Variants in NRDE2 observed in about 807,000 individuals in gnomAD.
The protein encoded by NRDE2 is NRDE-2, necessary for RNA interference, domain containing, also known as nuclear exosome regulator NRDE2.
A neutral mutation model predicts 124.2 loss-of-function variants in NRDE2; 76 were observed. That is an observed-to-expected ratio of 0.61 (90% CI 0.51 to 0.74). The LOEUF (loss-of-function observed/expected upper bound fraction) is 0.74. Among genes scored for constraint, NRDE2 ranks in the 30% least tolerant of loss-of-function variants. The probability of loss-of-function intolerance (pLI) is 0.00; values close to 1 mark genes in which losing one functional copy is unlikely to be tolerated. For missense variants in NRDE2, 1,314 were observed against 1,417.3 expected (o/e 0.93, Z 1.17); for synonymous variants, 489 against 528.1 (o/e 0.93, Z 1.01).
Position 90,274,241 on chromosome 14 carries a change from G to C in NRDE2, c.*4095C>G, listed in dbSNP as rs1253712570. Reference sequence around the variant, plus strand: ...GGCAGGGTGAGGCTGGCATCCGTGTGGGGTGTATGTGCAGGGCTGGGGTGG... The same window carrying C: ...GGCAGGGTGAGGCTGGCATCCGTGTCGGGTGTATGTGCAGGGCTGGGGTGG... On this transcript the variant is annotated 3_prime_UTR_variant, in exon 14 of 14. Transcript: ENST00000354366. 1 of 155,792 alleles carries C rather than the reference G, an allele frequency of 6.4e-6. No homozygotes were observed. The highest frequency in any genetic ancestry group is 2.4e-5 in the African/African-American group (1 of 41,532). The allele number at this position is 155,792 out of a possible 1,614,324, so 9.7% of individuals were successfully genotyped here. A position where few individuals can be genotyped will look rare whatever the true frequency, so the allele number is the denominator to read the frequency against.
At chr14:90,293,356 TTC>T (rs2139679649) in intron 8 of NRDE2, among the ~76,000 whole-genome samples, 1 of 152,304 alleles carries the variant, frequency 6.6e-6, no homozygotes. Context: ...GTTCAAGCAA[TTC>T]TCCTGCCTCA....
chr14:90,290,439 G>C lies in NRDE2; in HGVS notation c.2011C>G (p.Leu671Val), dbSNP rs1250795479. Reference protein sequence around the residue: ...MDENSIFDNGLYDEKPLTFFN... With the variant: ...MDENSIFDNGVYDEKPLTFFN... ...AAAGTCAAGGGCTTTTCATCATAAA[G>C]TCCATTATCAAAGATGCTGTTCTCA... The change falls in exon 10 of 14, where the codon CTT becomes GTT. Residue 671 changes from leucine (L) to valine (V), a missense_variant. Physicochemically the swap from Leu to Val is conservative, Grantham distance 32. Coordinates refer to ENST00000354366, the MANE Select transcript of NRDE2 (RefSeq NM_017970.4). The C allele has an allele frequency of 1.9e-6, 3 of 1,614,038 alleles. 1 individual carries two copies. Among genetic ancestry groups the C allele is most frequent in the Non-Finnish European group, 2.5e-6 (3 of 1,180,016 alleles).
rs754047750 is a variant in NRDE2 at position 90,303,993 on chromosome 14, C to G, written c.947G>C (p.Arg316Thr). 3.7e-6 allele frequency: 6 copies of G among 1,613,908 alleles called. No individual in the cohort carries two copies. In the African/African-American group the frequency reaches 8.0e-5, roughly 22 times the overall value. Reference protein sequence around the residue: ...ALKAKVEEFNRRVRENPRDTQ... With the variant: ...ALKAKVEEFNTRVRENPRDTQ... Reference sequence around the variant, plus strand: ...ATCCCGAGGATTCTCCCGCACCCTCCTGTTAAACTCCTCCACCTTGGCCTT... The same window carrying G: ...ATCCCGAGGATTCTCCCGCACCCTCGTGTTAAACTCCTCCACCTTGGCCTT... The change falls in exon 5 of 14, where the codon AGG becomes ACG. Residue 316 changes from arginine (R) to threonine (T), a missense_variant. Arg to Thr is a moderately conservative substitution (Grantham distance 71). Transcript: ENST00000354366.
chr14:90,274,653 A>T lies in NRDE2; in HGVS notation c.*3683T>A, dbSNP rs1055058787. ...CCAGAAAGCAAGGGAGTGCTCAAGG[A>T]ATGATAAGGACATGTCCTAAGGACA... On this transcript the variant is annotated 3_prime_UTR_variant, in exon 14 of 14. Coordinates refer to ENST00000354366, the MANE Select transcript of NRDE2 (RefSeq NM_017970.4). 1 of 152,130 alleles carries T rather than the reference A, an allele frequency of 6.6e-6. No individual in the cohort carries two copies. Among genetic ancestry groups the T allele is most frequent in the African/African-American group, 2.4e-5 (1 of 41,400 alleles). The allele number at this position is 152,130 out of a possible 1,614,324, so 9.4% of individuals were successfully genotyped here.
At position 90,269,364 on chromosome 14, in the gene NRDE2, G is replaced by A. The variant is rs749929923; in HGVS notation, c.*8972C>T. ...TCCCCTTGAGCAGGCGATCAGTTGA[G>A]TCTTCATTCCTTCCCTTTTTTTTTT... On this transcript the variant is annotated 3_prime_UTR_variant, in exon 14 of 14. Coordinates refer to ENST00000354366, the MANE Select transcript of NRDE2 (RefSeq NM_017970.4). The A allele has an allele frequency of 6.4e-7, 1 of 1,572,638 alleles. No individual in the cohort carries two copies. The highest frequency in any genetic ancestry group is 8.6e-7 in the Non-Finnish European group (1 of 1,162,324).
intron 1 of NRDE2, among the ~76,000 whole-genome samples, chr14:90,321,868 C>T (rs1937282332): frequency 6.6e-6 from 1 of 152,284 alleles, no homozygotes. Context: ...AGAAGTCCAA[C>T]ATGAAGAACA....
intron 4 of NRDE2, among the ~76,000 whole-genome samples, chr14:90,309,640 T>C (rs1175559087): frequency 6.6e-6 from 1 of 152,168 alleles, no homozygotes; most frequent in Non-Finnish European, 1.5e-5. Context: ...CCTATTGACC[T>C]TGCAATAAAG....
At chr14:90,289,725 T>C (rs1401680586) in intron 10 of NRDE2, among the ~76,000 whole-genome samples, 1 of 152,220 alleles carries the variant, frequency 6.6e-6, no homozygotes, top group Non-Finnish European at 1.5e-5. Context: ...GCAGCTGGGA[T>C]TACAGGCACA....
chr14:90,271,623 G>A lies in NRDE2; in HGVS notation c.*6713C>T, dbSNP rs553372883. ...TACTGTCAATTGCCTCTAAGTTTCA[G>A]GGCATAATTTTGTTTATTTCCTAGG... On this transcript the variant is annotated 3_prime_UTR_variant, in exon 14 of 14. Transcript: ENST00000354366. 6.6e-6 allele frequency: 1 copy of A among 152,136 alleles called. No homozygotes were observed. The highest frequency in any genetic ancestry group is 1.9e-4 in the East Asian group (1 of 5,166). The allele number at this position is 152,136 out of a possible 1,614,324, so 9.4% of individuals were successfully genotyped here. A position where few individuals can be genotyped will look rare whatever the true frequency, so the allele number is the denominator to read the frequency against.
rs1491397403 is a variant in NRDE2 at position 90,274,838 on chromosome 14, A to ACACACACACACACACACACC, written c.*3497_*3498insGGTGTGTGTGTGTGTGTGTG. The ACACACACACACACACACACC allele has an allele frequency of 1.5e-5, 1 of 67,186 alleles. No homozygotes were observed. Among genetic ancestry groups the ACACACACACACACACACACC allele is most frequent in the Non-Finnish European group, 3.2e-5 (1 of 31,320 alleles). 4.2% of individuals were successfully genotyped at this position (67,186 alleles called of 1,614,324 possible). Reference sequence around the variant, plus strand: ...CACACACACACACACACACACACACACCCCAATACATATGAATTGATCTGA... The same window carrying ACACACACACACACACACACC: ...CACACACACACACACACACACACACACACACACACACACACACACCCCCCAATACATATGAATTGATCTGA... On this transcript the variant is annotated 3_prime_UTR_variant, in exon 14 of 14. Coordinates refer to ENST00000354366, the MANE Select transcript of NRDE2 (RefSeq NM_017970.4).
chr14:90,290,351 C>A lies in NRDE2; in HGVS notation c.2099G>T (p.Arg700Leu). ...VGRMDRLGYP[R>L]WTRGQNREGE... ...CTCTCGGTTCTGACCCCTGGTCCAGCGAGGATAGCCCAACCTATCCATGCG... is the reference window on the plus strand; with the variant it reads ...CTCTCGGTTCTGACCCCTGGTCCAGAGAGGATAGCCCAACCTATCCATGCG... Residue 700 changes from arginine to leucine, a missense_variant, in exon 10 of 14, where the codon CGC becomes CTC. By Grantham distance (102) the Arg-to-Leu change is moderately radical. Coordinates refer to ENST00000354366, the MANE Select transcript of NRDE2 (RefSeq NM_017970.4). The A allele has an allele frequency of 6.2e-7, 1 of 1,614,096 alleles. No homozygotes were observed. Among genetic ancestry groups the A allele is most frequent in the South Asian group, 1.1e-5 (1 of 91,082 alleles).
In NRDE2 at chr14:90,272,744, T is replaced by A. The variant is rs1300829817; in HGVS notation, c.*5592A>T. The A allele has an allele frequency of 2.2e-5, 4 of 182,540 alleles. No individual in the cohort carries two copies. The highest frequency in any genetic ancestry group is 3.4e-5 in the Non-Finnish European group (3 of 87,340). The allele number at this position is 182,540 out of a possible 1,614,324, so 11.3% of individuals were successfully genotyped here. A position where few individuals can be genotyped will look rare whatever the true frequency, so the allele number is the denominator to read the frequency against. On this transcript the variant is annotated 3_prime_UTR_variant, in exon 14 of 14. Transcript: ENST00000354366. The surrounding 1 kb of genome is among the most constrained non-coding windows in gnomAD (Gnocchi z 4.5). Reference sequence around the variant, plus strand: ...GCTGCGGTCCCAAGGAGTGTGGACCTCACTATGCGTTCGCCACATCACACC... The same window carrying A: ...GCTGCGGTCCCAAGGAGTGTGGACCACACTATGCGTTCGCCACATCACACC...
At chr14:90,327,881 C>T (rs981110497) in intron 1 of NRDE2, among the ~76,000 whole-genome samples, 38 of 151,900 alleles carry the variant, frequency 2.5e-4, no homozygotes, top group African/African-American at 9.2e-4. Flanking sequence ...CAGTGGCTCA[C>T]ACCTGTAATC....
intron 8 of NRDE2, among the ~76,000 whole-genome samples, chr14:90,294,772 T>C (rs1892363550): frequency 6.6e-6 from 1 of 152,216 alleles, no homozygotes; most frequent in Non-Finnish European, 1.5e-5. Flanking sequence ...TGCATGGCAG[T>C]GTGAATGTAC....
chr14:90,278,818 G>A (rs1891873086), intron 13 of NRDE2: 3 of 566,594 alleles, frequency 5.3e-6, no homozygotes, highest in Non-Finnish European at 9.5e-6. Context: ...CTGACCAAAT[G>A]CTGGGAAACC....
In NRDE2 at chr14:90,312,563, G is replaced by A; in HGVS notation, c.408-20C>T. On this transcript the variant is annotated intron_variant, in intron 3 of 13. Coordinates refer to ENST00000354366, the MANE Select transcript of NRDE2 (RefSeq NM_017970.4). ...CCTTGACTGTGGGACAAAGGAAGAA[G>A]AAGAAGGGAGAGGCACTTTAAAAAA... 1 of 1,613,480 alleles carries A rather than the reference G, an allele frequency of 6.2e-7. No individual in the cohort carries two copies. The highest frequency in any genetic ancestry group is 8.5e-7 in the Non-Finnish European group (1 of 1,179,740).
At chr14:90,320,557 A>G in intron 1 of NRDE2, among the ~76,000 whole-genome samples, 1 of 152,226 alleles carries the variant, frequency 6.6e-6, no homozygotes, top group African/African-American at 2.4e-5. Context: ...GCATCTTAGT[A>G]TGGAGGAGAT....
chr14:90,321,371 G>A (rs189029534), intron 1 of NRDE2, among the ~76,000 whole-genome samples: 142 of 151,976 alleles, frequency 9.3e-4, no homozygotes, highest in Non-Finnish European at 9.9e-4. Flanking sequence ...CCAGGCTTTT[G>A]AGGATACAAT....
At position 90,316,692 on chromosome 14, in the gene NRDE2, G is replaced by C. The variant is rs142725951; in HGVS notation, c.293C>G (p.Thr98Arg). Residue 98 changes from threonine (T) to arginine (R), a missense_variant, in exon 3 of 14, where the codon ACA becomes AGA. Physicochemically the swap from Thr to Arg is moderately conservative, Grantham distance 71. Transcript: ENST00000354366. ...ACTCGACGGCCCATGCTTCCTCTTT[G>C]TTTTCTTATGATGCTGATGCTTCCT... ...KKRKHQHHKKTKRKHGPSSSS... is the reference protein window; with the variant it reads ...KKRKHQHHKKRKRKHGPSSSS... 97 of 1,613,812 alleles carry C rather than the reference G, an allele frequency of 6.0e-5. No homozygotes were observed. The African/African-American group carries it at 1.1e-3, about 18-fold the overall frequency.
Sources: allele counts gnomAD v4.1 joint callset (sites outside exome capture counted in the v4.1 genomes callset), GRCh38; gene constraint gnomAD v4.1.1; non-coding constraint Gnocchi (gnomAD v3.1); transcripts MANE v1.5; gene names NCBI Gene and HGNC (gene_info 2026-07-23, HGNC 2026-07-21).